CFHR5: variants seen among roughly 807,000 people sequenced by gnomAD.
The protein encoded by CFHR5 is complement factor H-related protein 5.
Under a neutral mutation model 62.9 loss-of-function variants are expected in CFHR5, and 73 were observed. That is an observed-to-expected ratio of 1.16 (90% CI 0.96 to 1.41). CFHR5 has a LOEUF of 1.41. Ranked by LOEUF, CFHR5 falls within the 40% of genes most tolerant of loss-of-function variation. The pLI is 0.00. For synonymous variants in CFHR5, 249 were observed against 227.2 expected (o/e 1.10, Z -0.86); for missense variants, 779 against 679.9 (o/e 1.15, Z -1.62).
At chr1:196,978,418 C>G (rs1653451099) in intron 1 of CFHR5, among the ~76,000 whole-genome samples, 1 of 152,038 alleles carries the variant, frequency 6.6e-6, no homozygotes, top group African/African-American at 2.4e-5. Flanking sequence ...CAAACAAAAT[C>G]TCTAACAAGG....
chr1:197,001,251 C>T (rs1004264602), intron 7 of CFHR5, among the ~76,000 whole-genome samples: 2 of 152,056 alleles, frequency 1.3e-5, no homozygotes, highest in Admixed American at 1.3e-4. Flanking sequence ...TCCACAGGAA[C>T]AGTTTCTGTT....
At position 196,998,624 on chromosome 1, in the gene CFHR5, C is replaced by G. The variant is rs567220154; in HGVS notation, c.1147+320C>G. 8.6e-5 allele frequency among the ~76,000 whole-genome samples: 13 copies of G among 151,984 alleles called. No individual in the cohort carries two copies. The East Asian group carries it at 2.5e-3, about 29-fold the overall frequency. Reference sequence around the variant, plus strand: ...TGACATTAAGAAACAATTAAAACCCCAATTATGCACTGTGAAACAAAACTA... The same window carrying G: ...TGACATTAAGAAACAATTAAAACCCGAATTATGCACTGTGAAACAAAACTA... On this transcript the variant is annotated intron_variant, in intron 7 of 9. Coordinates refer to ENST00000256785, the MANE Select transcript of CFHR5 (RefSeq NM_030787.4).
At chr1:196,975,693 A>C (rs1418863077), upstream of CFHR5, among the ~76,000 whole-genome samples, 1 of 152,226 alleles carries the variant, frequency 6.6e-6, no homozygotes, top group Non-Finnish European at 1.5e-5. Context: ...TAATGAAAAC[A>C]GGAGAGGGGA....
At chr1:196,975,771 CT>C (rs1383091486), upstream of CFHR5, among the ~76,000 whole-genome samples, 1 of 152,110 alleles carries the variant, frequency 6.6e-6, no homozygotes, top group Non-Finnish European at 1.5e-5. Flanking sequence ...GCACAGTTGC[CT>C]TTGTTTTTCT....
rs112796165 is a variant in CFHR5 at position 197,006,449 on chromosome 1, G to A, written c.1513+1606G>A. On this transcript the variant is annotated intron_variant, in intron 9 of 9. Coordinates refer to ENST00000256785, the MANE Select transcript of CFHR5 (RefSeq NM_030787.4). ...TTTCCAGCCAGGCATGGTGGCTCAC[G>A]CCTGTATTCCCAGCACTTTGGGAGG... 8.9e-3 allele frequency among the ~76,000 whole-genome samples: 1,356 copies of A among 152,116 alleles called. 31 individuals carry two copies. The highest frequency in any genetic ancestry group is 0.03 in the African/African-American group (1,233 of 41,494).
At chr1:197,003,756 A>T (rs1172488982) in intron 8 of CFHR5, among the ~76,000 whole-genome samples, 2 of 152,184 alleles carry the variant, frequency 1.3e-5, no homozygotes, top group African/African-American at 4.8e-5. Context: ...TCAAAAGGGA[A>T]TAGAGAAATG....
chr1:196,996,872 G>C (rs1219321078), intron 6 of CFHR5, among the ~76,000 whole-genome samples: 1 of 147,926 alleles, frequency 6.8e-6, no homozygotes, highest in Non-Finnish European at 1.5e-5. Context: ...TAAGTAGTAA[G>C]TAAGTAGTAA....
At position 197,004,726 on chromosome 1, in the gene CFHR5, T is replaced by C; in HGVS notation, c.1396T>C (p.Ser466Pro). Residue 466 changes from serine to proline, a missense_variant, in exon 9 of 10, where the codon TCA becomes CCA. Coordinates refer to ENST00000256785, the MANE Select transcript of CFHR5 (RefSeq NM_030787.4). ...NNGDTTSFPL[S>P]VYPPGSTVTY... Reference sequence around the variant, plus strand: ...TGGAGATACCACCTCATTCCCATTATCAGTATATCCTCCAGGGTCAACAGT... The same window carrying C: ...TGGAGATACCACCTCATTCCCATTACCAGTATATCCTCCAGGGTCAACAGT... 1.2e-6 allele frequency: 2 copies of C among 1,613,448 alleles called. No homozygotes were observed. Among genetic ancestry groups the C allele is most frequent in the Non-Finnish European group, 1.7e-6 (2 of 1,179,416 alleles).
rs1653933673 is a variant in CFHR5 at position 196,994,336 on chromosome 1, T to C, written c.607+80T>C. 21 of 1,147,106 alleles carry C rather than the reference T, an allele frequency of 1.8e-5. No homozygotes were observed. In the South Asian group the frequency reaches 2.6e-4, roughly 14 times the overall value. The allele number at this position is 1,147,106 out of a possible 1,614,324, so 71.1% of individuals were successfully genotyped here. ...CCATATATTTTTATTGGAGCTTATA[T>C]TACATCTATAATCTGACAAAGTGGT... is the stretch of plus-strand genomic sequence containing the variant. On this transcript the variant is annotated intron_variant, in intron 4 of 9. Transcript: ENST00000256785.
Position 197,008,576 on chromosome 1 carries a change from G to A in CFHR5, c.1603G>A (p.Asp535Asn), listed in dbSNP as rs748341345. The change falls in exon 10 of 10, where the codon GAT (aspartate) becomes AAT (asparagine). Residue 535 changes from aspartate (D) to asparagine (N), a missense_variant. Asp to Asn is a conservative substitution (Grantham distance 23). Coordinates refer to ENST00000256785, the MANE Select transcript of CFHR5 (RefSeq NM_030787.4). ...TGGAAAACTCTATGCAAAAACAGGG[G>A]ATGCTGTTGAATTCCAGTGTAAATT... ...NDGKLYAKTG[D>N]AVEFQCKFPH... 1.2e-6 allele frequency: 2 copies of A among 1,613,212 alleles called. No individual in the cohort carries two copies. The highest frequency in any genetic ancestry group is 4.5e-5 in the East Asian group (2 of 44,828).
intron 2 of CFHR5, 66 bp downstream of exon 2, chr1:196,983,145 G>T: frequency 6.2e-7 from 1 of 1,601,726 alleles, no homozygotes; most frequent in Non-Finnish European, 8.6e-7. Context: ...TGCCGGACAA[G>T]ATCATAAGGT....
chr1:196,993,102 A>G lies in CFHR5; in HGVS notation c.431-978A>G, dbSNP rs1470169428. Among the ~76,000 whole-genome samples, 8 of 152,304 alleles carry G rather than the reference A, an allele frequency of 5.3e-5. No homozygotes were observed. The East Asian group carries it at 1.5e-3, about 29-fold the overall frequency. On this transcript the variant is annotated intron_variant, in intron 3 of 9. Coordinates refer to ENST00000256785, the MANE Select transcript of CFHR5 (RefSeq NM_030787.4). ...TATCTATTTCTAATTGAATCAGAAT[A>G]TATTCATAATGAGTTAGTTTTTACA...
rs200255089 is a variant in CFHR5 at position 196,996,866 on chromosome 1, TAGTA to T, written c.970+674_970+677del. ...CTCCACAGAAGTAGTAAGTAGTAAG[TAGTA>T]AGTAAGTAGTAAGTAGTAAGTAGTA... On this transcript the variant is annotated intron_variant, in intron 6 of 9. Coordinates refer to ENST00000256785, the MANE Select transcript of CFHR5 (RefSeq NM_030787.4). Among the ~76,000 whole-genome samples, 239 of 151,882 alleles carry T rather than the reference TAGTA, an allele frequency of 1.6e-3. 2 individuals are homozygous for T. Among genetic ancestry groups the T allele is most frequent in the African/African-American group, 5.5e-3 (226 of 41,252 alleles).
At chr1:196,999,173 G>A (rs1283505292) in intron 7 of CFHR5, among the ~76,000 whole-genome samples, 5 of 151,588 alleles carry the variant, frequency 3.3e-5, no homozygotes, top group Non-Finnish European at 5.9e-5. Flanking sequence ...GAAATTGTGA[G>A]GAAAAATACT....
chr1:196,982,756 A>T, intron 1 of CFHR5, 129 bp from the exon 2 acceptor site: 1 of 778,400 alleles, frequency 1.3e-6, no homozygotes, highest in Non-Finnish European at 2.2e-6. Context: ...TACACTGGAA[A>T]GCATTTAAGC....
intron 7 of CFHR5, among the ~76,000 whole-genome samples, chr1:197,002,231 C>G (rs1451881569): frequency 6.6e-6 from 1 of 151,862 alleles, no homozygotes; most frequent in Non-Finnish European, 1.5e-5. Context: ...ATAGGAGATA[C>G]AAGAGAGCAT....
intron 1 of CFHR5, among the ~76,000 whole-genome samples, chr1:196,981,419 T>C (rs79599745): frequency 0.013 from 2,044 of 152,056 alleles, 40 homozygotes; most frequent in African/African-American, 0.045. Flanking sequence ...AAGTGGTATA[T>C]AGGAAATCTC....
intron 3 of CFHR5, among the ~76,000 whole-genome samples, chr1:196,992,422 A>C (rs1653872911): frequency 6.6e-6 from 1 of 152,050 alleles, no homozygotes; most frequent in Non-Finnish European, 1.5e-5. Flanking sequence ...TTTTCCAGGT[A>C]CAGTCTGTCA....
At chr1:196,982,587 C>T (rs946951848) in intron 1 of CFHR5, among the ~76,000 whole-genome samples, 1 of 151,970 alleles carries the variant, frequency 6.6e-6, no homozygotes, top group Non-Finnish European at 1.5e-5. Flanking sequence ...GCAGGAGAAT[C>T]ACTTGAACCC....
Sources: allele counts gnomAD v4.1 joint callset (sites outside exome capture counted in the v4.1 genomes callset), GRCh38; gene constraint gnomAD v4.1.1; transcripts MANE v1.5; gene names NCBI Gene and HGNC (gene_info 2026-07-23, HGNC 2026-07-21).